Variants in GOLM2 observed in about 807,000 individuals in gnomAD.
The protein encoded by GOLM2 is golgi membrane protein 2.
In GOLM2, 26 loss-of-function variants were observed where a neutral mutation model predicts 55.9. That is an observed-to-expected ratio of 0.47 (90% confidence interval 0.34 to 0.65). The LOEUF is 0.65. Ranked by LOEUF, GOLM2 falls within the 30% of genes least tolerant of loss-of-function variation. GOLM2 has a pLI of 0.01. For missense variants in GOLM2, 486 were observed against 531.8 expected (o/e 0.91, Z 0.85); for synonymous variants, 165 against 194.6 (o/e 0.85, Z 1.27).
At chr15:44,378,951 T>G (rs956824686) in intron 6 of GOLM2, among the ~76,000 whole-genome samples, 5 of 152,132 alleles carry the variant, frequency 3.3e-5, no homozygotes, top group African/African-American at 1.2e-4. Flanking sequence ...TTCACCTTGT[T>G]GGCCAAGCTG....
At chr15:44,340,458 C>T (rs1211863289) in intron 6 of GOLM2, among the ~76,000 whole-genome samples, 1 of 151,862 alleles carries the variant, frequency 6.6e-6, no homozygotes, top group African/African-American at 2.4e-5. Flanking sequence ...CGGTGCCTCA[C>T]TGTTGCCCAG....
chr15:44,390,683 C>T (rs2079481594), intron 8 of GOLM2, among the ~76,000 whole-genome samples: 1 of 152,022 alleles, frequency 6.6e-6, no homozygotes. Context: ...GATTCTCCTG[C>T]CTCAGCCTCC....
At chr15:44,374,086 G>A (rs1274058023) in intron 6 of GOLM2, among the ~76,000 whole-genome samples, 1 of 152,082 alleles carries the variant, frequency 6.6e-6, no homozygotes, top group African/African-American at 2.4e-5. Context: ...GGGCAACAGA[G>A]CAAGACTCAG....
At chr15:44,304,395 C>T (rs2141113426) in intron 1 of GOLM2, among the ~76,000 whole-genome samples, 1 of 151,618 alleles carries the variant, frequency 6.6e-6, no homozygotes, top group East Asian at 1.9e-4. Context: ...GCGCCCACCA[C>T]CACACCTGGC....
intron 6 of GOLM2, among the ~76,000 whole-genome samples, chr15:44,358,566 A>G (rs1372788346): frequency 6.6e-6 from 1 of 152,206 alleles, no homozygotes; most frequent in Non-Finnish European, 1.5e-5. Context: ...ACACATAAAT[A>G]TAGTCAACTG....
At chr15:44,363,265 A>G (rs1274163526) in intron 6 of GOLM2, among the ~76,000 whole-genome samples, 1 of 152,202 alleles carries the variant, frequency 6.6e-6, no homozygotes, top group Non-Finnish European at 1.5e-5. Flanking sequence ...CAACCCACAA[A>G]ATGGGAAAAA....
chr15:44,352,734 C>T (rs1448152568), intron 6 of GOLM2, among the ~76,000 whole-genome samples: 2 of 151,878 alleles, frequency 1.3e-5, no homozygotes, highest in Non-Finnish European at 2.9e-5. Flanking sequence ...GGTGAAACCC[C>T]GTCTCTACTA....
chr15:44,322,622 G>A (rs895077433), intron 1 of GOLM2, among the ~76,000 whole-genome samples: 12 of 151,956 alleles, frequency 7.9e-5, no homozygotes, highest in African/African-American at 2.4e-4. Flanking sequence ...TCATGTTTTC[G>A]TATACTTTTA....
At chr15:44,401,416 C>T (rs527716527) in intron 8 of GOLM2, among the ~76,000 whole-genome samples, 1 of 152,172 alleles carries the variant, frequency 6.6e-6, no homozygotes, top group African/African-American at 2.4e-5. Context: ...AGGTGTGGAC[C>T]ACCATACCCA....
At chr15:44,352,111 A>G (rs529326546) in intron 6 of GOLM2, among the ~76,000 whole-genome samples, 20 of 152,352 alleles carry the variant, frequency 1.3e-4, no homozygotes, top group African/African-American at 4.8e-4. Flanking sequence ...TAGAATAGCC[A>G]AAGCTATCCT....
In GOLM2 at chr15:44,414,975, T is replaced by G. The variant is rs925971414; in HGVS notation, c.*1569T>G. 2.0e-5 allele frequency: 3 copies of G among 152,636 alleles called. No homozygotes were observed. The highest frequency in any genetic ancestry group is 4.1e-4 in the South Asian group (2 of 4,830). 9.5% of individuals were successfully genotyped at this position (152,636 alleles called of 1,614,324 possible). The stretch of plus-strand genomic sequence containing the variant: ...TTGATCACAAGGGGAAATTTAAGAT[T>G]GTTAACCCTGTTTTTCAGAAGGGCT... On this transcript the variant is annotated 3_prime_UTR_variant, in exon 10 of 10. Coordinates refer to ENST00000299957, the MANE Select transcript of GOLM2 (RefSeq NM_138423.4).
intron 8 of GOLM2, among the ~76,000 whole-genome samples, chr15:44,401,829 C>CTTTTTTTT (rs754956674): frequency 2.5e-5 from 3 of 119,686 alleles, no homozygotes; most frequent in Non-Finnish European, 5.4e-5. Flanking sequence ...TTCTTGATTT[C>CTTTTTTTT]TTTTTTTTTT....
At chr15:44,363,140 C>G (rs1452031037) in intron 6 of GOLM2, among the ~76,000 whole-genome samples, 3 of 152,096 alleles carry the variant, frequency 2.0e-5, no homozygotes, top group Non-Finnish European at 4.4e-5. Flanking sequence ...CGGGCAAGGA[C>G]TTCATGTCTA....
At chr15:44,302,931 C>T (rs531496296) in intron 1 of GOLM2, among the ~76,000 whole-genome samples, 1 of 151,906 alleles carries the variant, frequency 6.6e-6, no homozygotes, top group African/African-American at 2.4e-5. Flanking sequence ...GGTGAAACCC[C>T]GTCTCTACTA....
intron 6 of GOLM2, among the ~76,000 whole-genome samples, chr15:44,339,283 G>A (rs976007238): frequency 2.0e-5 from 3 of 152,072 alleles, no homozygotes; most frequent in Admixed American, 2.0e-4. Context: ...TAAAGAATCA[G>A]AATTAGCAAG....
chr15:44,288,719 C>A lies in GOLM2; in HGVS notation c.-311C>A. 2.6e-6 allele frequency: 1 copy of A among 385,398 alleles called. No homozygotes were observed. The highest frequency in any genetic ancestry group is 4.3e-5 in the South Asian group (1 of 23,412). The allele number at this position is 385,398 out of a possible 1,614,324, so 23.9% of individuals were successfully genotyped here. A position where few individuals can be genotyped will look rare whatever the true frequency, so the allele number is the denominator to read the frequency against. ...CATCCGCCCCTTTCCGGTTTTTTTCCCCGCCTCCCAACCGTGAGGTGTTGG... is the reference window on the plus strand; with the variant it reads ...CATCCGCCCCTTTCCGGTTTTTTTCACCGCCTCCCAACCGTGAGGTGTTGG... On this transcript the variant is annotated 5_prime_UTR_variant, in exon 1 of 10. Transcript: ENST00000299957.
At chr15:44,315,476 G>C (rs933704117) in intron 1 of GOLM2, among the ~76,000 whole-genome samples, 3 of 152,046 alleles carry the variant, frequency 2.0e-5, no homozygotes, top group African/African-American at 7.2e-5. Context: ...CACGTAGGAT[G>C]GGGAAACATG....
intron 8 of GOLM2, among the ~76,000 whole-genome samples, chr15:44,386,455 A>G (rs1464093847): frequency 6.6e-6 from 1 of 152,220 alleles, no homozygotes; most frequent in African/African-American, 2.4e-5. Flanking sequence ...AAGTTTTGAA[A>G]TTGTGAATTA....
chr15:44,359,948 A>C (rs1244394342), intron 6 of GOLM2, among the ~76,000 whole-genome samples: 1 of 151,482 alleles, frequency 6.6e-6, no homozygotes, highest in Non-Finnish European at 1.5e-5. Context: ...TATCCAGCCA[A>C]ACTAAGCTTC....
Sources: gnomAD v4.1 joint callset for allele counts (sites outside exome capture counted in the v4.1 genomes callset) on GRCh38, gnomAD v4.1.1 for gene constraint, MANE v1.5 for transcripts, NCBI Gene and HGNC (gene_info 2026-07-23, HGNC 2026-07-21) for gene names.